ZBTB41: variants seen among roughly 807,000 people sequenced by gnomAD.
ZBTB41 encodes zinc finger and BTB domain containing 41, also known as zinc finger and BTB domain-containing protein 41.
ZBTB41 carries 42 observed loss-of-function variants against 87.6 expected under a neutral mutation model. The ratio of observed to expected loss-of-function variants is 0.48; its 90% CI spans 0.37 to 0.62. ZBTB41 has a LOEUF of 0.62. Among genes scored for constraint, ZBTB41 ranks in the 20% least tolerant of loss-of-function variants. The pLI is 0.00. For synonymous variants in ZBTB41, 364 were observed against 364.0 expected (o/e 1.00, Z 0.00); for missense variants, 799 against 1,078.9 (o/e 0.74, Z 3.63).
intron 10 of ZBTB41, among the ~76,000 whole-genome samples, chr1:197,166,730 C>T (rs897350249): frequency 2.0e-5 from 3 of 151,888 alleles, no homozygotes; most frequent in Non-Finnish European, 4.4e-5. Context: ...GCCTGTAATC[C>T]CAGCTACTCA....
chr1:197,154,334 C>A lies in ZBTB41; in HGVS notation c.*5025G>T, dbSNP rs1293166656. 1 of 152,198 alleles carries A rather than the reference C, an allele frequency of 6.6e-6. No homozygotes were observed. The highest frequency in any genetic ancestry group is 1.9e-4 in the East Asian group (1 of 5,200). The allele number at this position is 152,198 out of a possible 1,614,324, so 9.4% of individuals were successfully genotyped here. ...AAACAAGGTTATATTCTTTGTATAA[C>A]CTCTGTGCTCTAAATATAATCCTTA... On this transcript the variant is annotated 3_prime_UTR_variant, in exon 11 of 11. Transcript: ENST00000367405.
At chr1:197,176,501 T>C (rs1401082849) in intron 8 of ZBTB41, 63 bp downstream of exon 8, 12 of 1,117,986 alleles carry the variant, frequency 1.1e-5, no homozygotes, top group East Asian at 2.4e-5. Flanking sequence ...CATAACATCA[T>C]ATTATGTTCC....
Position 197,172,212 on chromosome 1 carries a change from CT to C in ZBTB41, c.2021del (p.Lys674ArgfsTer38). On this transcript the variant is annotated frameshift_variant, in exon 10 of 11. Coordinates refer to ENST00000367405, the MANE Select transcript of ZBTB41 (RefSeq NM_194314.3). LOFTEE classifies it high-confidence loss of function. ...KATFHQCDVC[K>X]KIFKGKSSLE... Reference sequence around the variant, plus strand: ...GACTTGATTTGCCTTTAAAAATTTTCTTACAAACATCACATTGATGAAATGT... The same window carrying C: ...GACTTGATTTGCCTTTAAAAATTTTCTACAAACATCACATTGATGAAATGT... The C allele has an allele frequency of 7.0e-7, 1 of 1,431,808 alleles. No individual in the cohort carries two copies. The highest frequency in any genetic ancestry group is 9.3e-7 in the Non-Finnish European group (1 of 1,080,464). The allele number at this position is 1,431,808 out of a possible 1,614,324, so 88.7% of individuals were successfully genotyped here. A position where few individuals can be genotyped will look rare whatever the true frequency, so the allele number is the denominator to read the frequency against.
intron 2 of ZBTB41, among the ~76,000 whole-genome samples, chr1:197,194,618 G>GGAAA (rs1553232793): frequency 5.2e-5 from 7 of 135,834 alleles, no homozygotes; most frequent in African/African-American, 1.9e-4. Flanking sequence ...ATTTAAGCAA[G>GGAAA]AAAAAAAAAA....
intron 10 of ZBTB41, among the ~76,000 whole-genome samples, chr1:197,163,824 T>C (rs2125123216): frequency 6.6e-6 from 1 of 151,966 alleles, no homozygotes; most frequent in South Asian, 2.1e-4. Context: ...AAACCAAAAA[T>C]AACCTATCTA....
At chr1:197,189,589 G>A (rs1473037076) in intron 4 of ZBTB41, among the ~76,000 whole-genome samples, 1 of 151,942 alleles carries the variant, frequency 6.6e-6, no homozygotes, top group Admixed American at 6.6e-5. Flanking sequence ...GAATAAAGAT[G>A]TCCATAAATA....
chr1:197,182,558 A>C (rs1330403055), intron 5 of ZBTB41, among the ~76,000 whole-genome samples: 2 of 152,134 alleles, frequency 1.3e-5, no homozygotes, highest in African/African-American at 4.8e-5. Flanking sequence ...TACAGACGTG[A>C]GTCACCATGC....
intron 7 of ZBTB41, 55 bp from the exon 8 acceptor site, chr1:197,176,725 G>C: frequency 8.2e-7 from 1 of 1,219,012 alleles, no homozygotes; most frequent in Non-Finnish European, 1.2e-6. Flanking sequence ...GAAGGAAAAA[G>C]CTCAATAATG....
Position 197,200,338 on chromosome 1 carries a change from C to G in ZBTB41, c.136G>C (p.Glu46Gln). The G allele has an allele frequency of 6.2e-7, 1 of 1,614,166 alleles. No homozygotes were observed. The highest frequency in any genetic ancestry group is 8.5e-7 in the Non-Finnish European group (1 of 1,180,030). The change falls in exon 2 of 11, where the codon GAA becomes CAA. Residue 46 changes from glutamate (E) to glutamine (Q), a missense_variant. By Grantham distance (29) the Glu-to-Gln change is conservative. Around this residue, in one of 5 missense-constraint regions of ZBTB41, gnomAD observed 77 missense variants for 68.4 expected, o/e 1.13. Coordinates refer to ENST00000367405, the MANE Select transcript of ZBTB41 (RefSeq NM_194314.3). ...AGTTCCTGGTAACAGTGAAGAGCTT[C>G]AGGAGTTGGTCTTCCTGCAGAATGA... ...YTHSAGRPTP[E>Q]ALHCYQELPP...
At chr1:197,179,447 T>C (rs72738652) in intron 6 of ZBTB41, among the ~76,000 whole-genome samples, 46,044 of 152,052 alleles carry the variant, frequency 0.3, 8,722 homozygotes, top group Middle Eastern at 0.45. Context: ...TTATTGATAA[T>C]GATAAGCGAC....
chr1:197,182,084 G>C (rs971738432), intron 5 of ZBTB41, among the ~76,000 whole-genome samples: 4 of 151,898 alleles, frequency 2.6e-5, no homozygotes, highest in Non-Finnish European at 5.9e-5. Flanking sequence ...CCAAAAAAAG[G>C]CTCTAAGAAA....
In ZBTB41 at chr1:197,190,754, A is replaced by G. The variant is rs564216312; in HGVS notation, c.1398+8T>C. ...GTTTTCTAATTTGTTTTAATTAAAA[A>G]CTCTTACATCACATTTCCAACTTTC... On this transcript the variant is annotated splice_region_variant and intron_variant, in intron 4 of 10. Coordinates refer to ENST00000367405, the MANE Select transcript of ZBTB41 (RefSeq NM_194314.3). 1.3e-6 allele frequency: 2 copies of G among 1,558,660 alleles called. No individual in the cohort carries two copies. Among genetic ancestry groups the G allele is most frequent in the Middle Eastern group, 1.7e-4 (1 of 5,968 alleles).
intron 6 of ZBTB41, 105 bp from the exon 7 acceptor site, chr1:197,178,617 C>T (rs1659668696): frequency 1.3e-5 from 8 of 628,608 alleles, no homozygotes; most frequent in African/African-American, 3.8e-5. Flanking sequence ...GATATTATGG[C>T]AATTCTCTCC....
At chr1:197,192,463 T>A (rs147464842) in intron 2 of ZBTB41, among the ~76,000 whole-genome samples, 1 of 152,280 alleles carries the variant, frequency 6.6e-6, no homozygotes, top group East Asian at 1.9e-4. Context: ...AATAAACAAA[T>A]TCATACACAT....
chr1:197,199,162 A>G (rs1036639140), intron 2 of ZBTB41, among the ~76,000 whole-genome samples, 192 bp downstream of exon 2: 4 of 152,184 alleles, frequency 2.6e-5, no homozygotes, highest in African/African-American at 9.6e-5. Flanking sequence ...GGCTAATATA[A>G]ATACTTAAAT....
chr1:197,198,797 T>G (rs1166254602), intron 2 of ZBTB41, among the ~76,000 whole-genome samples: 1 of 152,112 alleles, frequency 6.6e-6, no homozygotes, highest in African/African-American at 2.4e-5. Flanking sequence ...ATAACCAGAG[T>G]GCTACTAACT....
chr1:197,163,139 CT>C (rs2125122953), intron 10 of ZBTB41, among the ~76,000 whole-genome samples: 1 of 152,210 alleles, frequency 6.6e-6, no homozygotes, highest in East Asian at 1.9e-4. Context: ...CAATGATGAA[CT>C]AGGAGAAAGG....
rs139465330 is a variant in ZBTB41 at position 197,184,099 on chromosome 1, A to G, written c.1547-2982T>C. Among the ~76,000 whole-genome samples, 973 of 152,306 alleles carry G rather than the reference A, an allele frequency of 6.4e-3. 12 individuals are homozygous for G. The highest frequency in any genetic ancestry group is 0.022 in the African/African-American group (935 of 41,568). On this transcript the variant is annotated intron_variant, in intron 5 of 10. Coordinates refer to ENST00000367405, the MANE Select transcript of ZBTB41 (RefSeq NM_194314.3). ...TAAAATTTTCAAATCAAAAAGAAGG[A>G]AGTGCACCAATTCTCCAATAAAAAC...
At chr1:197,177,711 C>T (rs1246987070) in intron 7 of ZBTB41, among the ~76,000 whole-genome samples, 1 of 151,952 alleles carries the variant, frequency 6.6e-6, no homozygotes, top group African/African-American at 2.4e-5. Flanking sequence ...CAGAGCCTCT[C>T]TCTCTATATA....
Sources: gnomAD v4.1 joint callset for allele counts (sites outside exome capture counted in the v4.1 genomes callset) on GRCh38, gnomAD v4.1.1 for gene constraint, gnomAD v4.1.1 regional missense constraint, MANE v1.5 for transcripts, NCBI Gene and HGNC (gene_info 2026-07-23, HGNC 2026-07-21) for gene names.